The following EGFLAM variants were observed in gnomAD, a reference collection of about 807,000 sequenced individuals.
EGFLAM encodes EGF like, fibronectin type III and laminin G domains, also known as pikachurin.
Under a neutral mutation model 113.1 loss-of-function variants are expected in EGFLAM, and 79 were observed. The ratio of observed to expected loss-of-function variants is 0.70; its 90% CI spans 0.58 to 0.84. The LOEUF (loss-of-function observed/expected upper bound fraction) is 0.84, where lower values mean the gene tolerates loss of function less well. Among genes scored for constraint, EGFLAM ranks in the 40% least tolerant of loss-of-function variants. The pLI, the probability that EGFLAM is intolerant of heterozygous loss-of-function variation, is 0.00. For missense variants in EGFLAM, 1,265 were observed against 1,291.6 expected, an observed-to-expected ratio of 0.98 and a Z score of 0.32; for synonymous variants, 504 against 487.6, an observed-to-expected ratio of 1.03 and a Z score of -0.44.
Position 38,445,555 on chromosome 5 carries a change from C to T in EGFLAM, c.2465-2746C>T, listed in dbSNP as rs80248355. On this transcript the variant is annotated intron_variant, in intron 17 of 21. Transcript: ENST00000322350. ...TCCCTAAGAGGACGTTCTGGACTCT[C>T]GGGCAGAGCTTTGTGAGAGAAACAA... 8.5e-5 allele frequency: 135 copies of T among 1,589,756 alleles called. No homozygotes were observed. In the East Asian group the frequency reaches 1.5e-3, roughly 18 times the overall value.
intron 1 of EGFLAM, among the ~76,000 whole-genome samples, chr5:38,309,569 T>A (rs377580220): frequency 9.2e-5 from 14 of 152,160 alleles, no homozygotes; most frequent in Admixed American, 3.3e-4. Context: ...TTGAGCCCAA[T>A]GTACCCCATA....
intron 1 of EGFLAM, among the ~76,000 whole-genome samples, chr5:38,302,067 C>T (rs1382087534): frequency 6.6e-6 from 1 of 151,940 alleles, no homozygotes; most frequent in Non-Finnish European, 1.5e-5. Flanking sequence ...TAGCGAAACC[C>T]CGTCTCTACT....
At chr5:38,354,994 T>G (rs1739729791) in intron 5 of EGFLAM, among the ~76,000 whole-genome samples, 1 of 152,132 alleles carries the variant, frequency 6.6e-6, no homozygotes, top group African/African-American at 2.4e-5. Context: ...TGTGGCCCAG[T>G]GCAGGTTACT....
intron 1 of EGFLAM, among the ~76,000 whole-genome samples, chr5:38,324,942 G>T (rs1237710058): frequency 6.6e-6 from 1 of 152,200 alleles, no homozygotes; most frequent in Non-Finnish European, 1.5e-5. Context: ...CAGGGTTACA[G>T]GAGGGGCTCG....
rs144414898 is a variant in EGFLAM, at chr5:38,363,385, T to C, written c.546-6911T>C. Among the ~76,000 whole-genome samples, 333 of 152,290 alleles carry C rather than the reference T, an allele frequency of 2.2e-3. 1 individual carries two copies. Among genetic ancestry groups the C allele is most frequent in the African/African-American group, 7.1e-3 (296 of 41,558 alleles). ...CAGGAAATATAATTCAAGGGGTCCC[T>C]GGACTTGGATTGGAAAAAAAATTAT... On this transcript the variant is annotated intron_variant, in intron 5 of 21. Transcript: ENST00000322350.
intron 20 of EGFLAM, chr5:38,462,702 GT>G (rs1743327720): frequency 1.9e-6 from 1 of 535,370 alleles, no homozygotes; most frequent in Non-Finnish European, 3.3e-6. Flanking sequence ...GTCATTCACA[GT>G]TTGACTTTTT....
chr5:38,325,019 G>A (rs1738841136), intron 1 of EGFLAM, among the ~76,000 whole-genome samples: 1 of 152,204 alleles, frequency 6.6e-6, no homozygotes, highest in Admixed American at 6.5e-5. Flanking sequence ...TGTCACCTGG[G>A]TCCACCTGGC....
At chr5:38,334,335 G>T (rs1739129397) in intron 1 of EGFLAM, among the ~76,000 whole-genome samples, 1 of 152,148 alleles carries the variant, frequency 6.6e-6, no homozygotes, top group South Asian at 2.1e-4. Flanking sequence ...AGTTCTGGAG[G>T]CAGACAAGTC....
At chr5:38,292,862 A>T (rs762277780) in intron 1 of EGFLAM, among the ~76,000 whole-genome samples, 4 of 152,224 alleles carry the variant, frequency 2.6e-5, no homozygotes, top group Non-Finnish European at 5.9e-5. Context: ...AGATGAGGTA[A>T]GTCAGAGTTT....
At chr5:38,296,519 T>C (rs1271585096) in intron 1 of EGFLAM, among the ~76,000 whole-genome samples, 1 of 151,988 alleles carries the variant, frequency 6.6e-6, no homozygotes, top group African/African-American at 2.4e-5. Context: ...ATCAAAGGAA[T>C]AAGGGAAATA....
At chr5:38,352,894 C>T (rs577511194) in intron 5 of EGFLAM, among the ~76,000 whole-genome samples, 1 of 152,316 alleles carries the variant, frequency 6.6e-6, no homozygotes, top group South Asian at 2.1e-4. Context: ...ATTCTAGGCT[C>T]TGAAAACTCC....
chr5:38,436,424 G>A (rs909115396), intron 16 of EGFLAM, among the ~76,000 whole-genome samples: 3 of 152,152 alleles, frequency 2.0e-5, no homozygotes, highest in African/African-American at 7.2e-5. Flanking sequence ...CCCTGGTACT[G>A]TGACCATTTT....
intron 6 of EGFLAM, among the ~76,000 whole-genome samples, chr5:38,370,757 G>A (rs1269621711): frequency 6.6e-6 from 1 of 152,194 alleles, no homozygotes; most frequent in Non-Finnish European, 1.5e-5. Flanking sequence ...ATGATATGCA[G>A]CCTTCCCCCT....
chr5:38,287,569 G>A (rs1298939569), intron 1 of EGFLAM, among the ~76,000 whole-genome samples: 3 of 152,130 alleles, frequency 2.0e-5, no homozygotes, highest in Non-Finnish European at 2.9e-5. Context: ...ATTGGGCTTC[G>A]CCATGTTTCT....
intron 5 of EGFLAM, among the ~76,000 whole-genome samples, chr5:38,354,580 A>G (rs1483618557): frequency 6.6e-6 from 1 of 152,138 alleles, no homozygotes; most frequent in Non-Finnish European, 1.5e-5. Flanking sequence ...AATATAAAAA[A>G]TTAGCTGGGC....
intron 1 of EGFLAM, chr5:38,282,134 T>C (rs1392621992): frequency 6.6e-6 from 1 of 152,240 alleles, no homozygotes; most frequent in Non-Finnish European, 1.5e-5. Context: ...CTTGGCTGTA[T>C]CTTATACTTC....
intron 11 of EGFLAM, among the ~76,000 whole-genome samples, chr5:38,417,235 C>T (rs144065536): frequency 0.042 from 6,347 of 151,064 alleles, 159 homozygotes; most frequent in Middle Eastern, 0.066. Context: ...GTAATCCCAG[C>T]TACTCAGGAG....
At chr5:38,463,582 A>C (rs1002271048) in intron 21 of EGFLAM, among the ~76,000 whole-genome samples, 3 of 152,240 alleles carry the variant, frequency 2.0e-5, no homozygotes, top group Non-Finnish European at 2.9e-5. Flanking sequence ...GAAATCACAC[A>C]TGAGGAATGA....
At chr5:38,334,543 T>C (rs1473718639) in intron 1 of EGFLAM, among the ~76,000 whole-genome samples, 1 of 152,208 alleles carries the variant, frequency 6.6e-6, no homozygotes, top group Non-Finnish European at 1.5e-5. Context: ...TCTACAAATA[T>C]GATTACATTA....
Sources: gnomAD v4.1 joint callset for allele counts (sites outside exome capture counted in the v4.1 genomes callset) on GRCh38, gnomAD v4.1.1 for gene constraint, MANE v1.5 for transcripts, NCBI Gene and HGNC (gene_info 2026-07-23, HGNC 2026-07-21) for gene names.